KCNAB2: variants seen among roughly 807,000 people sequenced by gnomAD.
KCNAB2 encodes voltage-gated potassium channel subunit beta-2.
A neutral mutation model predicts 63.6 loss-of-function variants in KCNAB2; 29 were observed. The observed-to-expected ratio is 0.46, with a 90% confidence interval of 0.34 to 0.62. KCNAB2 has a LOEUF of 0.62. Ranked by LOEUF, KCNAB2 falls within the 20% of genes least tolerant of loss-of-function variation. The probability of loss-of-function intolerance (pLI) is 0.01; values close to 1 mark genes in which losing one functional copy is unlikely to be tolerated. For synonymous variants in KCNAB2, 222 were observed against 224.2 expected (o/e 0.99, Z 0.09); for missense variants, 359 against 563.9 (o/e 0.64, Z 3.68).
intron 2 of KCNAB2, among the ~76,000 whole-genome samples, chr1:6,067,990 C>T (rs1410493639): frequency 6.6e-6 from 1 of 152,120 alleles, no homozygotes; most frequent in Admixed American, 6.5e-5. Flanking sequence ...AAGATCACGC[C>T]ACAGCACTCC....
Position 6,090,601 on chromosome 1 carries a change from G to C in KCNAB2, c.601+126G>C, listed in dbSNP as rs547636761. 1.9e-3 allele frequency: 1,277 copies of C among 688,324 alleles called. 4 individuals carry two copies. Among genetic ancestry groups the C allele is most frequent in the Non-Finnish European group, 2.6e-3 (1,053 of 399,450 alleles). 42.6% of individuals were successfully genotyped at this position (688,324 alleles called of 1,614,324 possible). A position where few individuals can be genotyped will look rare whatever the true frequency, so the allele number is the denominator to read the frequency against. On this transcript the variant is annotated intron_variant, in intron 9 of 15. Coordinates refer to ENST00000378083, the MANE Select transcript of KCNAB2 (RefSeq NM_001199862.2). ...CCGGGTGAGCCGTGAGAGGAGGCCG[G>C]GTCCAGGGTGGGGGGCGAGGGGGCA...
rs1361650898 is a variant in KCNAB2 at position 6,086,430 on chromosome 1, C to T, written c.426-1037C>T. 1.7e-5 allele frequency: 16 copies of T among 958,080 alleles called. No homozygotes were observed. The highest frequency in any genetic ancestry group is 2.0e-5 in the Non-Finnish European group (16 of 805,080). 59.3% of individuals were successfully genotyped at this position (958,080 alleles called of 1,614,324 possible). A position where few individuals can be genotyped will look rare whatever the true frequency, so the allele number is the denominator to read the frequency against. ...AGGTGGTGTGGGGTGATCCCCCTTC[C>T]TGGAGGTGACGCTGCCTCTGCCAGA... is the stretch of plus-strand genomic sequence containing the variant. On this transcript the variant is annotated intron_variant, in intron 6 of 15. Coordinates refer to ENST00000378083, the MANE Select transcript of KCNAB2 (RefSeq NM_001199862.2). The surrounding 1 kb of genome is among the most constrained non-coding windows in gnomAD (Gnocchi z 4.2).
chr1:6,005,682 G>C (rs1657626219), intron 1 of KCNAB2, among the ~76,000 whole-genome samples: 1 of 152,072 alleles, frequency 6.6e-6, no homozygotes, highest in Non-Finnish European at 1.5e-5. Flanking sequence ...AGGCACGGAA[G>C]CCCAGGTCTG....
intron 2 of KCNAB2, among the ~76,000 whole-genome samples, chr1:6,062,516 C>T (rs1022912713): frequency 2.6e-5 from 4 of 152,160 alleles, no homozygotes; most frequent in Non-Finnish European, 5.9e-5. Flanking sequence ...GGCTTTTGGG[C>T]ACGTGACATG....
intron 4 of KCNAB2, among the ~76,000 whole-genome samples, chr1:6,076,152 G>T (rs909893030): frequency 1.3e-5 from 2 of 152,256 alleles, no homozygotes; most frequent in Admixed American, 6.5e-5. Flanking sequence ...TATCTGCAGG[G>T]CTGCTGTGTG....
intron 4 of KCNAB2, among the ~76,000 whole-genome samples, chr1:6,077,995 G>A (rs1158287452): frequency 2.0e-5 from 3 of 152,142 alleles, no homozygotes; most frequent in African/African-American, 2.4e-5. Flanking sequence ...ATCCAAACTC[G>A]GTACCCCTGA....
rs778608064 is a variant in KCNAB2, at chr1:6,098,440, C to T, written c.1159-45C>T. On this transcript the variant is annotated intron_variant, in intron 15 of 15. Coordinates refer to ENST00000378083, the MANE Select transcript of KCNAB2 (RefSeq NM_001199862.2). ...CCCCACCTCCTCCCCAGGCCAGGCC[C>T]GTCTTGTTGGTGGGATTCTGATTTG... The T allele has an allele frequency of 2.5e-5, 41 of 1,610,006 alleles. No homozygotes were observed. The African/African-American group carries it at 4.1e-4, about 16-fold the overall frequency.
intron 15 of KCNAB2, chr1:6,097,717 G>C (rs1219597617): frequency 2.1e-6 from 1 of 486,442 alleles, no homozygotes; most frequent in Non-Finnish European, 3.6e-6. Context: ...GAGAGATGCG[G>C]AGTAAGTCAC....
At chr1:6,070,176 C>T (rs1294464082) in intron 2 of KCNAB2, among the ~76,000 whole-genome samples, 1 of 152,194 alleles carries the variant, frequency 6.6e-6, no homozygotes, top group Non-Finnish European at 1.5e-5. Context: ...TCTGTGAACA[C>T]CCAGACATTG....
At chr1:6,058,183 T>C (rs889732646) in intron 2 of KCNAB2, among the ~76,000 whole-genome samples, 2 of 152,188 alleles carry the variant, frequency 1.3e-5, no homozygotes, top group Admixed American at 6.5e-5. Flanking sequence ...ACCCAGTCAT[T>C]GGATTGAAGG....
upstream of KCNAB2, among the ~76,000 whole-genome samples, chr1:6,044,070 G>A (rs1008651175): frequency 3.3e-5 from 5 of 152,150 alleles, no homozygotes; most frequent in African/African-American, 7.2e-5. Flanking sequence ...GGTCTCTTAC[G>A]GCCTATGGTT....
In KCNAB2 at chr1:6,074,055, C is replaced by T. The variant is rs987631779; in HGVS notation, c.300+285C>T. 6.6e-5 allele frequency among the ~76,000 whole-genome samples: 10 copies of T among 152,228 alleles called. No homozygotes were observed. The highest frequency in any genetic ancestry group is 1.2e-4 in the Non-Finnish European group (8 of 68,042). On this transcript the variant is annotated intron_variant, in intron 4 of 15. Coordinates refer to ENST00000378083, the MANE Select transcript of KCNAB2 (RefSeq NM_001199862.2). The surrounding 1 kb of genome is among the most constrained non-coding windows in gnomAD (Gnocchi z 4.9). ...CCCCAGGACTCAGATTTCCCACACG[C>T]GTGACCCCCATTCCACAGTTAACGA... is the stretch of plus-strand genomic sequence containing the variant.
chr1:6,002,588 G>C (rs995339232), intron 1 of KCNAB2, among the ~76,000 whole-genome samples: 1 of 152,254 alleles, frequency 6.6e-6, no homozygotes, highest in African/African-American at 2.4e-5. Flanking sequence ...CACAGCTTGT[G>C]TTTTTACAAA....
upstream of KCNAB2, among the ~76,000 whole-genome samples, chr1:6,044,842 GT>G (rs1339665794): frequency 6.6e-6 from 1 of 152,136 alleles, no homozygotes; most frequent in Non-Finnish European, 1.5e-5. Context: ...AAAAAAGGAC[GT>G]CAGAAGCCAC....
intron 1 of KCNAB2, among the ~76,000 whole-genome samples, chr1:6,002,736 C>T (rs1249416858): frequency 6.6e-6 from 1 of 152,156 alleles, no homozygotes; most frequent in Admixed American, 6.5e-5. Context: ...TGAAGGGCTA[C>T]GGCCCTGCCA....
intron 1 of KCNAB2, among the ~76,000 whole-genome samples, chr1:6,004,791 G>A (rs1234182047): frequency 6.6e-6 from 1 of 152,096 alleles, no homozygotes; most frequent in Admixed American, 6.5e-5. Context: ...ATCTTTCAGG[G>A]AACACAGTCC....
chr1:6,059,579 G>T (rs572542221), intron 2 of KCNAB2, among the ~76,000 whole-genome samples: 14 of 152,312 alleles, frequency 9.2e-5, no homozygotes, highest in Non-Finnish European at 1.8e-4. Flanking sequence ...AGGAGAGGGA[G>T]CACCACCCAT....
intron 2 of KCNAB2, among the ~76,000 whole-genome samples, chr1:6,055,148 G>A (rs1171239909): frequency 6.6e-6 from 1 of 152,174 alleles, no homozygotes; most frequent in Non-Finnish European, 1.5e-5. Context: ...AGACATTCCT[G>A]TTGTTGTAAG....
At chr1:6,011,108 G>T (rs1316809921) in intron 1 of KCNAB2, among the ~76,000 whole-genome samples, 1 of 152,240 alleles carries the variant, frequency 6.6e-6, no homozygotes, top group Non-Finnish European at 1.5e-5. Flanking sequence ...CCACACATTG[G>T]CCCCTGAGGC....
Sources: allele counts gnomAD v4.1 joint callset (sites outside exome capture counted in the v4.1 genomes callset), GRCh38; gene constraint gnomAD v4.1.1; non-coding constraint Gnocchi (gnomAD v3.1); transcripts MANE v1.5; gene names NCBI Gene and HGNC (gene_info 2026-07-23, HGNC 2026-07-21).